Variants in DGCR8 observed in about 807,000 individuals in gnomAD.
The protein encoded by DGCR8 is microprocessor complex subunit DGCR8.
Under a neutral mutation model 78.5 loss-of-function variants are expected in DGCR8, and 14 were observed. The observed-to-expected ratio is 0.18, with a 90% CI of 0.12 to 0.28. DGCR8 has a LOEUF of 0.28. DGCR8 is among the 10% of genes least tolerant of loss of function. DGCR8 has a pLI of 1.00. For missense variants in DGCR8, 702 were observed against 1,022.5 expected, an observed-to-expected ratio of 0.69 and a Z score of 4.28; for synonymous variants, 399 against 402.4, an observed-to-expected ratio of 0.99 and a Z score of 0.10.
chr22:20,104,895 G>A (rs961720276), intron 9 of DGCR8, among the ~76,000 whole-genome samples: 6 of 152,232 alleles, frequency 3.9e-5, no homozygotes, highest in African/African-American at 9.6e-5. Flanking sequence ...CAGTGTCCCT[G>A]TGGAGCGGGC....
Position 20,085,780 on chromosome 22 carries a change from G to A in DGCR8, c.-184G>A, listed in dbSNP as rs774385171. 4.9e-6 allele frequency: 7 copies of A among 1,435,636 alleles called. No homozygotes were observed. Among genetic ancestry groups the A allele is most frequent in the East Asian group, 2.5e-5 (1 of 40,376 alleles). 88.9% of individuals were successfully genotyped at this position (1,435,636 alleles called of 1,614,324 possible). A position where few individuals can be genotyped will look rare whatever the true frequency, so the allele number is the denominator to read the frequency against. On this transcript the variant is annotated 5_prime_UTR_variant, in exon 2 of 14. Coordinates refer to ENST00000351989, the MANE Select transcript of DGCR8 (RefSeq NM_022720.7). This position sits in a 1 kb window ranked among gnomAD's most constrained non-coding sequence, Gnocchi z 6.2. ...TGCATTGTGATTTCCAATAATTGAGGCAGTGGTTCTAAAAGCTGTCTACAT... is the reference window on the plus strand; with the variant it reads ...TGCATTGTGATTTCCAATAATTGAGACAGTGGTTCTAAAAGCTGTCTACAT...
chr22:20,091,684 A>G lies in DGCR8; in HGVS notation c.1504+52A>G, dbSNP rs965320304. On this transcript the variant is annotated intron_variant, in intron 6 of 13. Transcript: ENST00000351989. ...GCAGACTGGTTATGCTGTTATTTCT[A>G]ATGTGATGTGTTGAGGGCATGTTTT... 14 of 1,598,236 alleles carry G rather than the reference A, an allele frequency of 8.8e-6. No homozygotes were observed. The Admixed American group carries it at 1.2e-4, about 13-fold the overall frequency.
chr22:20,110,371 C>G lies in DGCR8; in HGVS notation c.*263C>G, dbSNP rs955755974. ...CGACTGCACCAGTGGCAGCTGGTGA[C>G]TGTGGACAGTGGTGGACCCTGCTTC... On this transcript the variant is annotated 3_prime_UTR_variant, in exon 14 of 14. Transcript: ENST00000351989. The G allele has an allele frequency of 1.2e-5, 6 of 499,152 alleles. No individual in the cohort carries two copies. The Admixed American group carries it at 1.5e-4, about 12-fold the overall frequency. 30.9% of individuals were successfully genotyped at this position (499,152 alleles called of 1,614,324 possible).
Position 20,089,647 on chromosome 22 carries a change from A to G in DGCR8, c.881-22A>G. On this transcript the variant is annotated intron_variant, in intron 3 of 13. Transcript: ENST00000351989. The surrounding 1 kb of genome is among the most constrained non-coding windows in gnomAD (Gnocchi z 4.9). ...CAAGTGTTTTTACAGTGATTATAGGATGTTCTTGTCTTCCTGTGCAGGTCG... is the reference window on the plus strand; with the variant it reads ...CAAGTGTTTTTACAGTGATTATAGGGTGTTCTTGTCTTCCTGTGCAGGTCG... 2 of 1,613,080 alleles carry G rather than the reference A, an allele frequency of 1.2e-6. No homozygotes were observed. The highest frequency in any genetic ancestry group is 1.7e-6 in the Non-Finnish European group (2 of 1,179,654).
chr22:20,098,007 A>G (rs891711479), intron 9 of DGCR8, among the ~76,000 whole-genome samples: 1 of 150,880 alleles, frequency 6.6e-6, no homozygotes, highest in Admixed American at 6.6e-5. Context: ...GGCACCTGTA[A>G]TTGCAGCTAC....
rs2049609701 is a variant in DGCR8, at chr22:20,094,851, C to A, written c.1788+56C>A. On this transcript the variant is annotated intron_variant, in intron 9 of 13. Coordinates refer to ENST00000351989, the MANE Select transcript of DGCR8 (RefSeq NM_022720.7). ...CTGTGTGTGCAGTGCGGCTACCCTG[C>A]CCTGTTAGTGTGAGCTGGGGGTGTC... The A allele has an allele frequency of 3.3e-6, 5 of 1,519,110 alleles. No homozygotes were observed. The East Asian group carries it at 1.1e-4, about 34-fold the overall frequency. 94.1% of individuals were successfully genotyped at this position (1,519,110 alleles called of 1,614,324 possible). A position where few individuals can be genotyped will look rare whatever the true frequency, so the allele number is the denominator to read the frequency against.
intron 9 of DGCR8, chr22:20,101,907 C>T: frequency 1.0e-6 from 1 of 985,256 alleles, no homozygotes; most frequent in South Asian, 4.7e-5. Context: ...CGGGTTGATG[C>T]CTGTGAGGTG....
intron 1 of DGCR8, among the ~76,000 whole-genome samples, chr22:20,081,259 G>T (rs562722663): frequency 2.6e-5 from 4 of 152,338 alleles, no homozygotes; most frequent in Admixed American, 2.0e-4. Context: ...CCTCCATGGC[G>T]CTGGCACTGG....
chr22:20,081,698 C>G (rs1035655561), intron 1 of DGCR8, among the ~76,000 whole-genome samples: 3 of 152,248 alleles, frequency 2.0e-5, no homozygotes, highest in African/African-American at 7.2e-5. Context: ...GCCCTGGCCT[C>G]TCTTCTGATT....
intron 5 of DGCR8, 97 bp from the exon 6 acceptor site, chr22:20,091,338 G>A (rs2049557095): frequency 1.6e-6 from 2 of 1,214,208 alleles, no homozygotes; most frequent in Non-Finnish European, 2.4e-6. Flanking sequence ...AGGAAATAGT[G>A]TCATGTGGCC....
In DGCR8 at chr22:20,090,191, T is replaced by G. The variant is rs771119825; in HGVS notation, c.1239T>G (p.Ala413=). 9.9e-6 allele frequency: 16 copies of G among 1,614,016 alleles called. No homozygotes were observed. The highest frequency in any genetic ancestry group is 2.5e-6 in the Non-Finnish European group (3 of 1,180,010). Reference sequence around the variant, plus strand: ...CGGACGAGAAAGACCCACTAGGGGCTGAGGCAGCCCCTGGGGCCCTGGGGC... The same window carrying G: ...CGGACGAGAAAGACCCACTAGGGGCGGAGGCAGCCCCTGGGGCCCTGGGGC... The part of the protein sequence containing the change: ...GPPDEKDPLG[A]EAAPGALGQV... Residue 413 remains alanine (A), a synonymous_variant, in exon 5 of 14, where the codon GCT becomes GCG. Transcript: ENST00000351989.
intron 7 of DGCR8, 53 bp from the exon 8 acceptor site, chr22:20,092,756 C>A (rs1052402148): frequency 7.9e-6 from 12 of 1,509,940 alleles, no homozygotes; most frequent in Non-Finnish European, 1.1e-5. Flanking sequence ...ACTGTGCACA[C>A]GCTTTTGATG....
chr22:20,101,726 G>A (rs2049704481), intron 9 of DGCR8: 2 of 985,270 alleles, frequency 2.0e-6, no homozygotes, highest in African/African-American at 1.7e-5. Context: ...TCTATTTGCT[G>A]GTCCTCCCTA....
Position 20,111,171 on chromosome 22 carries a change from A to C in DGCR8, c.*1063A>C, listed in dbSNP as rs944964315. On this transcript the variant is annotated 3_prime_UTR_variant, in exon 14 of 14. Coordinates refer to ENST00000351989, the MANE Select transcript of DGCR8 (RefSeq NM_022720.7). Reference sequence around the variant, plus strand: ...GCTTGCTTCTCGACTGGTGGCCCCTATGGGTGGGTGTGCGATGGAAATGTG... The same window carrying C: ...GCTTGCTTCTCGACTGGTGGCCCCTCTGGGTGGGTGTGCGATGGAAATGTG... The C allele has an allele frequency of 7.5e-6, 3 of 398,696 alleles. No homozygotes were observed. The East Asian group carries it at 1.1e-4, about 14-fold the overall frequency. The allele number at this position is 398,696 out of a possible 1,614,324, so 24.7% of individuals were successfully genotyped here. A position where few individuals can be genotyped will look rare whatever the true frequency, so the allele number is the denominator to read the frequency against.
chr22:20,110,923 G>C lies in DGCR8; in HGVS notation c.*815G>C, dbSNP rs1050657258. 1 of 357,986 alleles carries C rather than the reference G, an allele frequency of 2.8e-6. No individual in the cohort carries two copies. 22.2% of individuals were successfully genotyped at this position (357,986 alleles called of 1,614,324 possible). ...TTTTTTACAAAGATTTTTTGCAGTC[G>C]AGTCCATATGTCCACCCATTGATTT... On this transcript the variant is annotated 3_prime_UTR_variant, in exon 14 of 14. Coordinates refer to ENST00000351989, the MANE Select transcript of DGCR8 (RefSeq NM_022720.7).
chr22:20,111,868 C>A lies in DGCR8; in HGVS notation c.*1760C>A. 1 of 168,218 alleles carries A rather than the reference C, an allele frequency of 5.9e-6. No individual in the cohort carries two copies. Among genetic ancestry groups the A allele is most frequent in the Non-Finnish European group, 1.3e-5 (1 of 78,912 alleles). The allele number at this position is 168,218 out of a possible 1,614,324, so 10.4% of individuals were successfully genotyped here. On this transcript the variant is annotated 3_prime_UTR_variant, in exon 14 of 14. Coordinates refer to ENST00000351989, the MANE Select transcript of DGCR8 (RefSeq NM_022720.7). ...GTCTGAACACATAAAGCAAACTGTC[C>A]AGAAGGGAATGGCTGATGTCTTTAT...
At chr22:20,091,730 AGTTTAT>A (rs1568955267) in intron 6 of DGCR8, 98 bp downstream of exon 6, 1 of 1,537,564 alleles carries the variant, frequency 6.5e-7, no homozygotes, top group African/African-American at 1.4e-5. Flanking sequence ...TTTCGTTCAA[AGTTTAT>A]GTTTATCCCA....
chr22:20,088,496 C>T (rs1185511753), intron 3 of DGCR8, among the ~76,000 whole-genome samples: 1 of 152,212 alleles, frequency 6.6e-6, no homozygotes, highest in East Asian at 1.9e-4. Flanking sequence ...CACAGAGGAG[C>T]AGCCCCAGCG....
At chr22:20,103,367 C>G (rs899492624) in intron 9 of DGCR8, among the ~76,000 whole-genome samples, 1 of 152,114 alleles carries the variant, frequency 6.6e-6, no homozygotes, top group African/African-American at 2.4e-5. Flanking sequence ...ATGTATGGCA[C>G]TGTGATGAAT....
Sources: gnomAD v4.1 joint callset for allele counts (sites outside exome capture counted in the v4.1 genomes callset) on GRCh38, gnomAD v4.1.1 for gene constraint, Gnocchi (gnomAD v3.1) non-coding constraint, MANE v1.5 for transcripts, NCBI Gene and HGNC (gene_info 2026-07-23, HGNC 2026-07-21) for gene names.